Variants in CALD1 observed in about 807,000 individuals in gnomAD.
CALD1 encodes caldesmon 1, also known as caldesmon.
In CALD1, 33 loss-of-function variants were observed where a neutral mutation model predicts 99.9. The ratio of observed to expected loss-of-function variants is 0.33; its 90% CI spans 0.25 to 0.44. The LOEUF is 0.44. CALD1 is among the 20% of genes least tolerant of loss of function. The pLI is 1.00. For missense variants in CALD1, 861 were observed against 962.1 expected (o/e 0.89, Z 1.39); for synonymous variants, 310 against 325.0 (o/e 0.95, Z 0.50).
chr7:134,957,120 C>A (rs961624720), intron 9 of CALD1, among the ~76,000 whole-genome samples: 2 of 152,136 alleles, frequency 1.3e-5, no homozygotes, highest in African/African-American at 2.4e-5. Flanking sequence ...GAAGCCTCAG[C>A]CATTACAGAT....
the CALD1 span, among the ~76,000 whole-genome samples, chr7:134,711,660 C>CTCTCTCTCTCTA: frequency 2.8e-4 from 22 of 78,336 alleles, no homozygotes; most frequent in African/African-American, 8.0e-4. Context: ...CTCTCTCTCT[C>CTCTCTCTCTCTA]TATATATATA....
At chr7:134,831,362 C>T (rs1043991272) in intron 1 of CALD1, among the ~76,000 whole-genome samples, 1 of 151,986 alleles carries the variant, frequency 6.6e-6, no homozygotes, top group African/African-American at 2.4e-5. Flanking sequence ...CTCTGTTGCC[C>T]GGGTTGGAGT....
At chr7:134,825,745 GATTAACCTCCC>G (rs1318073315) in intron 1 of CALD1, among the ~76,000 whole-genome samples, 1 of 152,056 alleles carries the variant, frequency 6.6e-6, no homozygotes, top group African/African-American at 2.4e-5. Context: ...CCTTCCTGTA[GATTAACCTCCC>G]AAATGATTTA....
At chr7:134,807,738 C>T (rs1798200193) in intron 1 of CALD1, among the ~76,000 whole-genome samples, 1 of 148,494 alleles carries the variant, frequency 6.7e-6, no homozygotes, top group Admixed American at 6.6e-5. Flanking sequence ...AGCAATTCTC[C>T]TGCCTCAGCC....
chr7:134,928,795 C>G lies in CALD1; in HGVS notation c.113C>G (p.Ala38Gly). The change falls in exon 4 of 15, where the codon GCC (alanine) becomes GGC (glycine). Residue 38 changes from alanine (A) to glycine (G), a missense_variant. Ala to Gly is a moderately conservative substitution (Grantham distance 60). Transcript: ENST00000361675. ...AATGACGATGATGAAGAGGAGGCAG[C>G]CCGGGAACGGCGCCGCCGAGCCCGA... ...QRNDDDEEEA[A>G]RERRRRARQE... is the part of the protein sequence containing the mutation. 6.2e-7 allele frequency: 1 copy of G among 1,613,756 alleles called. No individual in the cohort carries two copies. Among genetic ancestry groups the G allele is most frequent in the Non-Finnish European group, 8.5e-7 (1 of 1,179,844 alleles).
chr7:134,819,199 C>T (rs977730277), intron 1 of CALD1, among the ~76,000 whole-genome samples: 1 of 152,202 alleles, frequency 6.6e-6, no homozygotes, highest in Admixed American at 6.5e-5. Context: ...ATGACAGTCT[C>T]TGCGGAATTA....
At chr7:134,747,763 C>A (rs530406685) in intron 1 of CALD1, among the ~76,000 whole-genome samples, 1 of 152,344 alleles carries the variant, frequency 6.6e-6, no homozygotes, top group African/African-American at 2.4e-5. Context: ...ACCTGGATTA[C>A]AAAGAATGCC....
At chr7:134,882,133 C>G (rs1385063791) in intron 3 of CALD1, among the ~76,000 whole-genome samples, 2 of 152,184 alleles carry the variant, frequency 1.3e-5, no homozygotes. Context: ...TGAATGAACA[C>G]TAACACTTGT....
At chr7:134,778,620 T>A (rs968862793), upstream of CALD1, among the ~76,000 whole-genome samples, 2 of 152,220 alleles carry the variant, frequency 1.3e-5, no homozygotes, top group African/African-American at 4.8e-5. Context: ...CCAGTTACCT[T>A]AATTCTCATT....
chr7:134,797,034 CT>C (rs1251510068), intron 1 of CALD1, among the ~76,000 whole-genome samples: 2 of 149,668 alleles, frequency 1.3e-5, no homozygotes, highest in East Asian at 2.0e-4. Context: ...TTCTTTTTTT[CT>C]TTTTTTTGAG....
At chr7:134,845,720 G>A (rs901604399) in intron 2 of CALD1, among the ~76,000 whole-genome samples, 3 of 152,190 alleles carry the variant, frequency 2.0e-5, no homozygotes, top group South Asian at 2.1e-4. Flanking sequence ...AATGAATGAG[G>A]CCACCAAGGA....
At chr7:134,730,641 A>AT in the CALD1 span, among the ~76,000 whole-genome samples, 4 of 152,282 alleles carry the variant, frequency 2.6e-5, no homozygotes, top group African/African-American at 7.2e-5. Context: ...TCTATTTATA[A>AT]TTTTTTTGGT....
the CALD1 span, among the ~76,000 whole-genome samples, chr7:134,726,703 C>G: frequency 6.6e-6 from 1 of 151,818 alleles, no homozygotes; most frequent in South Asian, 2.1e-4. Flanking sequence ...GCAAACAACT[C>G]AAACAGATGT....
At chr7:134,891,381 G>A in intron 3 of CALD1, 1 of 1,255,130 alleles carries the variant, frequency 8.0e-7, no homozygotes, top group Admixed American at 3.8e-5. Context: ...TCAGCTCTCT[G>A]ATGATCCTGT....
intron 3 of CALD1, among the ~76,000 whole-genome samples, chr7:134,923,010 C>T (rs762512963): frequency 9.1e-4 from 139 of 152,166 alleles, no homozygotes; most frequent in Non-Finnish European, 1.7e-3. Context: ...CTTTTTCATG[C>T]TACTCGTACA....
intron 3 of CALD1, among the ~76,000 whole-genome samples, chr7:134,927,081 C>T (rs1805080041): frequency 6.6e-6 from 1 of 152,098 alleles, no homozygotes; most frequent in Admixed American, 6.5e-5. Context: ...CCATACCCAA[C>T]CCATTGACCC....
At chr7:134,835,658 G>A (rs985483368) in intron 1 of CALD1, among the ~76,000 whole-genome samples, 4 of 152,216 alleles carry the variant, frequency 2.6e-5, no homozygotes, top group Non-Finnish European at 5.9e-5. Context: ...TCGTGATGAC[G>A]TGTAGCCTGA....
At chr7:134,911,904 G>A (rs1803841366) in intron 3 of CALD1, among the ~76,000 whole-genome samples, 1 of 152,136 alleles carries the variant, frequency 6.6e-6, no homozygotes, top group South Asian at 2.1e-4. Flanking sequence ...AGCAATATGT[G>A]ATAAATAACT....
chr7:134,735,294 G>A, the CALD1 span, among the ~76,000 whole-genome samples: 13 of 152,274 alleles, frequency 8.5e-5, no homozygotes, highest in Non-Finnish European at 5.9e-5. Flanking sequence ...AATAGCACTT[G>A]ATTCAAAATG....
Sources: allele counts gnomAD v4.1 joint callset (sites outside exome capture counted in the v4.1 genomes callset), GRCh38; gene constraint gnomAD v4.1.1; transcripts MANE v1.5; gene names NCBI Gene and HGNC (gene_info 2026-07-23, HGNC 2026-07-21).